The following TAF15 variants were observed in gnomAD, a reference collection of about 807,000 sequenced individuals.
TAF15 encodes the protein TATA-box binding protein associated factor 15, also known as TATA-binding protein-associated factor 2N.
In TAF15, 37 loss-of-function variants were observed where a neutral mutation model predicts 102.5. The ratio of observed to expected loss-of-function variants is 0.36; its 90% CI spans 0.28 to 0.47. TAF15 has a LOEUF of 0.47. Ranked by LOEUF, TAF15 falls within the 20% of genes least tolerant of loss-of-function variation. TAF15 has a pLI of 0.99. For synonymous variants in TAF15, 273 were observed against 259.2 expected (o/e 1.05, Z -0.51); for missense variants, 652 against 760.7 (o/e 0.86, Z 1.68).
In TAF15 at chr17:35,834,011, C is replaced by T. The variant is rs2087439350; in HGVS notation, c.640+70C>T. On this transcript the variant is annotated intron_variant, in intron 8 of 15. Coordinates refer to ENST00000605844, the MANE Select transcript of TAF15 (RefSeq NM_139215.3). The stretch of plus-strand genomic sequence containing the variant: ...AAATCTAAAAGCCACCAATATCCCG[C>T]AGATGTAGTCAAAAGTCCTTTCTTA... The T allele has an allele frequency of 1.9e-6, 3 of 1,542,610 alleles. No individual in the cohort carries two copies. In the East Asian group the frequency reaches 6.8e-5, roughly 35 times the overall value.
chr17:35,828,401 T>G (rs954459570), intron 7 of TAF15, among the ~76,000 whole-genome samples: 22 of 152,322 alleles, frequency 1.4e-4, no homozygotes, highest in Admixed American at 1.3e-3. Flanking sequence ...TCTATTTAAC[T>G]CAATATATTC....
chr17:35,811,904 G>C (rs4796109), intron 1 of TAF15, among the ~76,000 whole-genome samples: 8,817 of 152,156 alleles, frequency 0.058, 434 homozygotes, highest in African/African-American at 0.13. Flanking sequence ...TAAAAAAATG[G>C]AAAAACTAAG....
At chr17:35,817,562 C>A (rs974819153) in intron 1 of TAF15, among the ~76,000 whole-genome samples, 154 bp from the exon 2 acceptor site, 11 of 152,140 alleles carry the variant, frequency 7.2e-5, no homozygotes, top group Admixed American at 1.3e-4. Flanking sequence ...ACTATTTGTA[C>A]AAATTTCTTG....
At position 35,842,438 on chromosome 17, in the gene TAF15, G is replaced by A; in HGVS notation, c.985G>A (p.Gly329Arg). 6.2e-7 allele frequency: 1 copy of A among 1,614,038 alleles called. No individual in the cohort carries two copies. Among genetic ancestry groups the A allele is most frequent in the Non-Finnish European group, 8.5e-7 (1 of 1,179,934 alleles). Residue 329 changes from glycine to arginine, a missense_variant, in exon 12 of 16, where the codon GGA becomes AGA. Around this residue, in one of 3 missense-constraint regions of TAF15, gnomAD observed 368 missense variants for 367.5 expected, o/e 1.00. Coordinates refer to ENST00000605844, the MANE Select transcript of TAF15 (RefSeq NM_139215.3). ...TRRPEFMRGG[G>R]SGGGRRGRGG... ...AAGACCTGAATTCATGAGAGGAGGT[G>A]GAAGTGGAGGTGGGCGGCGAGGTAA...
At chr17:35,833,809 A>G (rs1330984110) in intron 7 of TAF15, 98 bp from the exon 8 acceptor site, 4 of 1,239,204 alleles carry the variant, frequency 3.2e-6, no homozygotes, top group African/African-American at 1.5e-5. Context: ...CTGTTTTCCT[A>G]AGCACTCTAC....
chr17:35,844,329 A>T lies in TAF15; in HGVS notation c.1138A>T (p.Asn380Tyr), dbSNP rs757966118. The change falls in exon 14 of 16, where the codon AAT (asparagine) becomes TAT (tyrosine). Residue 380 changes from asparagine to tyrosine, a missense_variant. Coordinates refer to ENST00000605844, the MANE Select transcript of TAF15 (RefSeq NM_139215.3). Reference sequence around the variant, plus strand: ...TCGAAGGAATTCCTGCAATCAGTGCAATGAGCCTAGACCAGAGGACTCTCG... The same window carrying T: ...TCGAAGGAATTCCTGCAATCAGTGCTATGAGCCTAGACCAGAGGACTCTCG... The part of the protein sequence containing the change: ...FARRNSCNQC[N>Y]EPRPEDSRPS... 9 of 1,614,120 alleles carry T rather than the reference A, an allele frequency of 5.6e-6. No homozygotes were observed. In the East Asian group the frequency reaches 1.8e-4, roughly 32 times the overall value.
intron 7 of TAF15, among the ~76,000 whole-genome samples, chr17:35,832,088 A>T (rs2087414454): frequency 6.6e-6 from 1 of 152,118 alleles, no homozygotes; most frequent in Non-Finnish European, 1.5e-5. Flanking sequence ...GGAAAAAACA[A>T]ACAAAAAAAA....
intron 1 of TAF15, 29 bp from the exon 2 acceptor site, chr17:35,817,687 A>T: frequency 6.2e-7 from 1 of 1,602,182 alleles, no homozygotes; most frequent in Non-Finnish European, 8.6e-7. Flanking sequence ...ATTTTAAATA[A>T]GATTTAAAAT....
Position 35,838,461 on chromosome 17 carries a change from A to C in TAF15, c.821A>C (p.Tyr274Ser). The change falls in exon 11 of 16, where the codon TAT (tyrosine) becomes TCT (serine). Residue 274 changes from tyrosine to serine, a missense_variant. This residue lies in a region of TAF15 where 41 missense variants were observed against 109.1 expected (regional missense o/e 0.38). Transcript: ENST00000605844. ...ACCGGAAAACCAATGATAAATCTTT[A>C]TACAGACAAGGACACAGGAAAGCCA... The part of the protein sequence containing the change: ...KKTGKPMINL[Y>S]TDKDTGKPKG... 6.2e-7 allele frequency: 1 copy of C among 1,614,240 alleles called. No homozygotes were observed. Among genetic ancestry groups the C allele is most frequent in the East Asian group, 2.2e-5 (1 of 44,882 alleles).
intron 7 of TAF15, 156 bp downstream of exon 7, chr17:35,824,354 A>G: frequency 4.0e-6 from 4 of 1,007,826 alleles, no homozygotes; most frequent in Non-Finnish European, 5.7e-6. Context: ...TTAAAAGTGT[A>G]TTTTCAGTCT....
chr17:35,828,809 C>A (rs1050559746), intron 7 of TAF15, among the ~76,000 whole-genome samples: 4 of 150,836 alleles, frequency 2.7e-5, no homozygotes, highest in African/African-American at 4.9e-5. Context: ...CTGTACATTC[C>A]TTTTTTCATA....
chr17:35,831,200 A>G (rs1309940566), intron 7 of TAF15, among the ~76,000 whole-genome samples: 1 of 152,174 alleles, frequency 6.6e-6, no homozygotes, highest in Non-Finnish European at 1.5e-5. Context: ...CAGGAGATTG[A>G]GACCATCCTG....
In TAF15 at chr17:35,820,188, A is replaced by G; in HGVS notation, c.124A>G (p.Thr42Ala). The change falls in exon 4 of 16, where the codon ACT becomes GCT. Residue 42 changes from threonine to alanine, a missense_variant. By Grantham distance (58) the Thr-to-Ala change is moderately conservative. Around this residue, in one of 3 missense-constraint regions of TAF15, gnomAD observed 243 missense variants for 284.1 expected, o/e 0.86. Transcript: ENST00000605844. ...GAGCTATTCTGGCTATGGGCAAACG[A>G]CTGATTCCTCTTATGGACAGAACTA... is the stretch of plus-strand genomic sequence containing the variant. ...SQSYSGYGQT[T>A]DSSYGQNYSG... The G allele has an allele frequency of 6.2e-7, 1 of 1,614,088 alleles. No individual in the cohort carries two copies. The highest frequency in any genetic ancestry group is 1.3e-5 in the African/African-American group (1 of 75,050).
Position 35,817,693 on chromosome 17 carries a change from A to G in TAF15, c.8-23A>G, listed in dbSNP as rs751572527. ...GGAACCATAATTTTAAATAAGATTTAAAATTCTTTTTATGTGTTCTAGATT... is the reference window on the plus strand; with the variant it reads ...GGAACCATAATTTTAAATAAGATTTGAAATTCTTTTTATGTGTTCTAGATT... On this transcript the variant is annotated intron_variant, in intron 1 of 15. Transcript: ENST00000605844. The G allele has an allele frequency of 2.5e-6, 4 of 1,610,606 alleles. No homozygotes were observed. In the Admixed American group the frequency reaches 5.0e-5, roughly 20 times the overall value.
Position 35,824,090 on chromosome 17 carries a change from A to G in TAF15, c.497A>G (p.Asp166Gly). The change falls in exon 7 of 16, where the codon GAT becomes GGT. Residue 166 changes from aspartate (D) to glycine (G), a missense_variant. Asp to Gly is a moderately conservative substitution (Grantham distance 94). Around this residue, in one of 3 missense-constraint regions of TAF15, gnomAD observed 243 missense variants for 284.1 expected, o/e 0.86. Coordinates refer to ENST00000605844, the MANE Select transcript of TAF15 (RefSeq NM_139215.3). ...YSHHTQDDRR[D>G]VSRYGEDNRG... ...TTCTTTTTTGTAGATGACCGTCGTG[A>G]TGTGAGTAGGTATGGAGAAGATAAT... 1.9e-6 allele frequency: 3 copies of G among 1,614,102 alleles called. No individual in the cohort carries two copies. Among genetic ancestry groups the G allele is most frequent in the Non-Finnish European group, 2.5e-6 (3 of 1,180,018 alleles).
intron 7 of TAF15, 183 bp downstream of exon 7, chr17:35,824,381 T>A (rs1818536048): frequency 1.3e-6 from 1 of 798,916 alleles, no homozygotes; most frequent in Admixed American, 2.9e-5. Flanking sequence ...CTCACATAAA[T>A]GACCTTAGAA....
At position 35,815,663 on chromosome 17, in the gene TAF15, C is replaced by A. The variant is rs2087186711; in HGVS notation, c.8-2053C>A. Among the ~76,000 whole-genome samples the A allele has an allele frequency of 2.6e-5, 4 of 152,042 alleles. No homozygotes were observed. In the South Asian group the frequency reaches 8.3e-4, roughly 32 times the overall value. The stretch of plus-strand genomic sequence containing the variant: ...TCCATGCTTCAGGATATAGTTTAAC[C>A]TAAAGCTTCATGCATCCACAAATAC... On this transcript the variant is annotated intron_variant, in intron 1 of 15. Transcript: ENST00000605844.
At position 35,809,488 on chromosome 17, in the gene TAF15, C is replaced by G; in HGVS notation, c.-82C>G. ...TCAGCCCGCCGCGCCGCCCTCAGTA[C>G]AGCTCCGGCCGCCGCGCCGCCTGGC... On this transcript the variant is annotated 5_prime_UTR_variant, in exon 1 of 16. Transcript: ENST00000605844. The G allele has an allele frequency of 6.3e-7, 1 of 1,596,860 alleles. No homozygotes were observed. Among genetic ancestry groups the G allele is most frequent in the Non-Finnish European group, 8.5e-7 (1 of 1,170,784 alleles).
intron 7 of TAF15, among the ~76,000 whole-genome samples, chr17:35,827,404 T>C (rs1329825557): frequency 6.6e-6 from 1 of 151,812 alleles, no homozygotes; most frequent in African/African-American, 2.4e-5. Context: ...TGGGTTTATA[T>C]TAAAAGAAGA....
Sources: gnomAD v4.1 joint callset for allele counts (sites outside exome capture counted in the v4.1 genomes callset) on GRCh38, gnomAD v4.1.1 for gene constraint, gnomAD v4.1.1 regional missense constraint, MANE v1.5 for transcripts, NCBI Gene and HGNC (gene_info 2026-07-23, HGNC 2026-07-21) for gene names.